Variants in ZNF676 observed in about 807,000 individuals in gnomAD.
ZNF676 encodes zinc finger protein 676.
In ZNF676, 4 loss-of-function variants were observed where a neutral mutation model predicts 6.0. The ratio of observed to expected loss-of-function variants is 0.67; its 90% CI spans 0.33 to 1.53. ZNF676 has a LOEUF of 1.53. Ranked by LOEUF, ZNF676 falls within the 40% of genes most tolerant of loss-of-function variation. ZNF676 has a pLI of 0.06. For synonymous variants in ZNF676, 198 were observed against 223.1 expected, an observed-to-expected ratio of 0.89 and a Z score of 1.00; for missense variants, 644 against 679.7, an observed-to-expected ratio of 0.95 and a Z score of 0.58.
chr19:22,222,030 T>C, the ZNF676 span, among the ~76,000 whole-genome samples: 2 of 151,378 alleles, frequency 1.3e-5, no homozygotes, highest in Non-Finnish European at 2.9e-5. Flanking sequence ...TCTCATTGCA[T>C]TTCTTAAGGG....
chr19:22,208,810 C>CA (rs549522775), intron 1 of ZNF676, among the ~76,000 whole-genome samples: 1 of 152,010 alleles, frequency 6.6e-6, no homozygotes, highest in Non-Finnish European at 1.5e-5. Flanking sequence ...CATGGTGGCA[C>CA]AAGCCTTCAG....
the ZNF676 span, among the ~76,000 whole-genome samples, chr19:22,221,490 G>C: frequency 6.6e-6 from 1 of 152,234 alleles, no homozygotes; most frequent in African/African-American, 2.4e-5. Flanking sequence ...GGTGGCTCAT[G>C]CTTTAATCCC....
chr19:22,197,119 T>C (rs891554226), upstream of ZNF676, among the ~76,000 whole-genome samples: 1 of 151,958 alleles, frequency 6.6e-6, no homozygotes, highest in Non-Finnish European at 1.5e-5. Context: ...GGTTGGGAGT[T>C]CGAGACCAGC....
chr19:22,191,627 G>A (rs2023908037), intron 2 of ZNF676, among the ~76,000 whole-genome samples: 1 of 152,122 alleles, frequency 6.6e-6, no homozygotes, highest in Admixed American at 6.6e-5. Context: ...CCCACCATAT[G>A]CAGACTTGAC....
intron 1 of ZNF676, among the ~76,000 whole-genome samples, chr19:22,212,057 G>A (rs11672740): frequency 0.22 from 32,756 of 151,656 alleles, 4,142 homozygotes; most frequent in South Asian, 0.42. Flanking sequence ...AAAATTAGCT[G>A]GGTGTGGTGG....
the ZNF676 span, among the ~76,000 whole-genome samples, chr19:22,223,514 CT>C: frequency 0.058 from 8,348 of 142,762 alleles, 409 homozygotes; most frequent in East Asian, 0.24. Flanking sequence ...AATAGGTCAC[CT>C]TTTTTTTTTT....
At position 22,193,051 on chromosome 19, in the gene ZNF676, T is replaced by C. The variant is rs773265412; in HGVS notation, c.95A>G (p.Asn32Ser). 1.2e-5 allele frequency: 20 copies of C among 1,610,802 alleles called. No homozygotes were observed. Among genetic ancestry groups the C allele is most frequent in the Non-Finnish European group, 1.7e-6 (2 of 1,178,744 alleles). ...IFLEQGKEPW[N>S]MKRHEMVEEP... ...TTCCACCATCTCATGTCTCTTCATA[T>C]TCCAGGGCTCTTTTCCTTGCTCCAG... Residue 32 changes from asparagine (N) to serine (S), a missense_variant, in exon 2 of 3, where the codon AAT becomes AGT. Physicochemically the swap from Asn to Ser is conservative, Grantham distance 46. Transcript: ENST00000397121.
At chr19:22,244,885 G>A in the ZNF676 span, 74 of 152,324 alleles carry the variant, frequency 4.9e-4, no homozygotes, top group African/African-American at 1.8e-3. Flanking sequence ...CTCAGCAAAA[G>A]AAAAGATTTA....
chr19:22,214,256 G>A (rs1196568196), intron 1 of ZNF676, among the ~76,000 whole-genome samples: 1 of 152,186 alleles, frequency 6.6e-6, no homozygotes, highest in African/African-American at 2.4e-5. Flanking sequence ...CCTGTGGGGT[G>A]TGAAAATAAT....
chr19:22,235,664 G>A, the ZNF676 span, among the ~76,000 whole-genome samples: 1 of 152,124 alleles, frequency 6.6e-6, no homozygotes, highest in Non-Finnish European at 1.5e-5. Context: ...CTTGCTCACT[G>A]GATTCGATCA....
At chr19:22,205,154 G>A (rs987279252) in intron 1 of ZNF676, among the ~76,000 whole-genome samples, 1 of 152,056 alleles carries the variant, frequency 6.6e-6, no homozygotes, top group African/African-American at 2.4e-5. Flanking sequence ...GGGTTCACAT[G>A]AATAAAGCAA....
At chr19:22,194,423 T>G (rs1461783060) in intron 1 of ZNF676, among the ~76,000 whole-genome samples, 1 of 152,216 alleles carries the variant, frequency 6.6e-6, no homozygotes, top group Non-Finnish European at 1.5e-5. Context: ...AGGAACTGAA[T>G]TTCATTGTTC....
At chr19:22,247,974 C>G in the ZNF676 span, among the ~76,000 whole-genome samples, 2 of 150,516 alleles carry the variant, frequency 1.3e-5, no homozygotes, top group Non-Finnish European at 3.0e-5. Context: ...TCAATTCCCA[C>G]CTATGAGTGA....
At chr19:22,227,344 G>A in the ZNF676 span, among the ~76,000 whole-genome samples, 2 of 152,114 alleles carry the variant, frequency 1.3e-5, no homozygotes, top group Non-Finnish European at 2.9e-5. Flanking sequence ...CAGAATCTCT[G>A]GGTCACAGAC....
intron 1 of ZNF676, among the ~76,000 whole-genome samples, chr19:22,202,074 T>A (rs569468802): frequency 6.6e-6 from 1 of 152,284 alleles, no homozygotes; most frequent in African/African-American, 2.4e-5. Context: ...AGACCTAGAT[T>A]TAGAATTTGG....
chr19:22,242,712 T>A, the ZNF676 span, among the ~76,000 whole-genome samples: 1 of 151,712 alleles, frequency 6.6e-6, no homozygotes, highest in Non-Finnish European at 1.5e-5. Flanking sequence ...AAGGGAGAGA[T>A]CAGAAAGGAG....
intron 1 of ZNF676, among the ~76,000 whole-genome samples, chr19:22,202,427 G>A (rs562944649): frequency 7.2e-5 from 11 of 152,240 alleles, no homozygotes; most frequent in African/African-American, 1.7e-4. Context: ...CATGCACTTC[G>A]CAGCACAATT....
At chr19:22,186,637 C>G (rs1400663510) in intron 2 of ZNF676, among the ~76,000 whole-genome samples, 1 of 152,156 alleles carries the variant, frequency 6.6e-6, no homozygotes, top group African/African-American at 2.4e-5. Flanking sequence ...TCAGGAGATC[C>G]ATCTCACATG....
intron 1 of ZNF676, among the ~76,000 whole-genome samples, chr19:22,206,535 C>T (rs575965255): frequency 4.6e-5 from 7 of 152,076 alleles, no homozygotes; most frequent in East Asian, 1.9e-4. Context: ...ATTAGCTGGG[C>T]ATGGTAGCAC....
Sources: gnomAD v4.1 joint callset for allele counts (sites outside exome capture counted in the v4.1 genomes callset) on GRCh38, gnomAD v4.1.1 for gene constraint, MANE v1.5 for transcripts, NCBI Gene and HGNC (gene_info 2026-07-23, HGNC 2026-07-21) for gene names.